The following XPC variants were observed in gnomAD, a reference collection of about 807,000 sequenced individuals.
The protein encoded by XPC is DNA repair protein complementing XP-C cells.
In XPC, 76 loss-of-function variants were observed where a neutral mutation model predicts 95.8. The observed-to-expected ratio is 0.79, with a 90% CI of 0.66 to 0.96. The LOEUF is 0.96. Among genes scored for constraint, XPC ranks in the 40% least tolerant of loss-of-function variants. The pLI is 0.00. For synonymous variants in XPC, 442 were observed against 442.1 expected (o/e 1.00, Z 0.00); for missense variants, 1,146 against 1,179.8 (o/e 0.97, Z 0.42).
intron 14 of XPC, 27 bp downstream of exon 14, chr3:14,147,881 G>C: frequency 6.4e-7 from 1 of 1,567,672 alleles, no homozygotes; most frequent in South Asian, 1.2e-5. Context: ...CGCTTCTGCT[G>C]TCCCTCAGTC....
intron 9 of XPC, among the ~76,000 whole-genome samples, chr3:14,157,095 T>C (rs1035216015): frequency 6.6e-6 from 1 of 152,178 alleles, no homozygotes; most frequent in African/African-American, 2.4e-5. Context: ...GTGGAGTTGC[T>C]GAGAGTGGGA....
At chr3:14,147,741 C>CA in intron 14 of XPC, 167 bp downstream of exon 14, 2 of 642,084 alleles carry the variant, frequency 3.1e-6, no homozygotes, top group East Asian at 5.6e-5. Flanking sequence ...GCGGGGTGGG[C>CA]AGGAGCCTGC....
chr3:14,156,387 G>A lies in XPC; in HGVS notation c.1981C>T (p.Pro661Ser). 1 of 1,613,954 alleles carries A rather than the reference G, an allele frequency of 6.2e-7. No homozygotes were observed. Among genetic ancestry groups the A allele is most frequent in the Non-Finnish European group, 8.5e-7 (1 of 1,179,878 alleles). The change falls in exon 10 of 16, where the codon CCC (proline) becomes TCC (serine). Residue 661 changes from proline (P) to serine (S), a missense_variant. Coordinates refer to ENST00000285021, the MANE Select transcript of XPC (RefSeq NM_004628.5). ...RHLLKYEAIYPETAAILGYCR... is the reference protein window; with the variant it reads ...RHLLKYEAIYSETAAILGYCR... ...TACCCAAGGATGGCAGCTGTCTCGGGATAGATGGCCTCATATTTCAGGAGA... is the reference window on the plus strand; with the variant it reads ...TACCCAAGGATGGCAGCTGTCTCGGAATAGATGGCCTCATATTTCAGGAGA...
At chr3:14,160,268 GGGAAGAAGAAGTAGAA>G (rs1696115868) in intron 7 of XPC, among the ~76,000 whole-genome samples, 1 of 152,138 alleles carries the variant, frequency 6.6e-6, no homozygotes, top group African/African-American at 2.4e-5. Context: ...ATACCACTTT[GGGAAGAAGAAGTAGAA>G]AGTATCATTA....
chr3:14,165,029 G>C, intron 6 of XPC, 96 bp from the exon 7 acceptor site: 3 of 1,472,690 alleles, frequency 2.0e-6, no homozygotes, highest in Non-Finnish European at 2.7e-6. Context: ...TGAATCGTGA[G>C]ACCCGCCTGC....
Position 14,178,590 on chromosome 3 carries a change from C to A in XPC, c.-22G>T, listed in dbSNP as rs3731058. ...CCATGTTGCTTGTCTGGGCAAATTCCACTTCGCGAGTGACGCACCCGGCCG... is the reference window on the plus strand; with the variant it reads ...CCATGTTGCTTGTCTGGGCAAATTCAACTTCGCGAGTGACGCACCCGGCCG... On this transcript the variant is annotated 5_prime_UTR_variant, in exon 1 of 16. Coordinates refer to ENST00000285021, the MANE Select transcript of XPC (RefSeq NM_004628.5). 6.2e-7 allele frequency: 1 copy of A among 1,612,228 alleles called. No individual in the cohort carries two copies. The highest frequency in any genetic ancestry group is 1.3e-5 in the African/African-American group (1 of 74,904).
At chr3:14,157,924 G>C in intron 9 of XPC, 87 bp downstream of exon 9, 5 of 1,483,130 alleles carry the variant, frequency 3.4e-6, no homozygotes, top group Non-Finnish European at 4.5e-6. Context: ...ACCCAACATA[G>C]TGCTGGGCAT....
intron 7 of XPC, 124 bp downstream of exon 7, chr3:14,164,689 C>A: frequency 1.0e-6 from 1 of 987,478 alleles, no homozygotes; most frequent in African/African-American, 1.7e-5. Flanking sequence ...CAGCTATCAA[C>A]GTCATTATGA....
chr3:14,166,742 T>C (rs575272220), intron 5 of XPC, among the ~76,000 whole-genome samples: 63 of 152,308 alleles, frequency 4.1e-4, no homozygotes, highest in Non-Finnish European at 7.6e-4. Context: ...CATCTAGAGA[T>C]CAGATACTCC....
rs774710905 is a variant in XPC, at chr3:14,178,594, T to C, written c.-26A>G. The C allele has an allele frequency of 1.9e-6, 3 of 1,612,118 alleles. No individual in the cohort carries two copies. Among genetic ancestry groups the C allele is most frequent in the African/African-American group, 1.3e-5 (1 of 75,024 alleles). ...GTTGCTTGTCTGGGCAAATTCCACT[T>C]CGCGAGTGACGCACCCGGCCGCGAT... On this transcript the variant is annotated 5_prime_UTR_variant, in exon 1 of 16. Transcript: ENST00000285021.
In XPC at chr3:14,145,818, G is replaced by T; in HGVS notation, c.*123C>A. The stretch of plus-strand genomic sequence containing the variant: ...CCCTGACCCCGCCTCCGTGCATGCT[G>T]CCTCAGTTTGCCTTCTCAGCAGAGA... On this transcript the variant is annotated 3_prime_UTR_variant, in exon 16 of 16. Transcript: ENST00000285021. 1 of 1,231,894 alleles carries T rather than the reference G, an allele frequency of 8.1e-7. No individual in the cohort carries two copies. The highest frequency in any genetic ancestry group is 1.2e-6 in the Non-Finnish European group (1 of 862,534). 76.3% of individuals were successfully genotyped at this position (1,231,894 alleles called of 1,614,324 possible).
At chr3:14,166,189 C>T (rs1696370693) in intron 5 of XPC, among the ~76,000 whole-genome samples, 1 of 152,138 alleles carries the variant, frequency 6.6e-6, no homozygotes, top group African/African-American at 2.4e-5. Flanking sequence ...ATTTTCCCTT[C>T]AACATTGGCT....
At chr3:14,162,882 A>G (rs1696217162) in intron 7 of XPC, among the ~76,000 whole-genome samples, 1 of 152,206 alleles carries the variant, frequency 6.6e-6, no homozygotes, top group Admixed American at 6.5e-5. Context: ...ATAGGTAACT[A>G]ATATCCAGAA....
At chr3:14,176,410 T>C (rs1696817234) in intron 1 of XPC, among the ~76,000 whole-genome samples, 1 of 152,220 alleles carries the variant, frequency 6.6e-6, no homozygotes, top group African/African-American at 2.4e-5. Context: ...CTTTGGAAGC[T>C]ACAAAGCCTT....
intron 11 of XPC, 141 bp downstream of exon 11, chr3:14,152,194 C>G (rs1385595271): frequency 1.6e-6 from 1 of 640,012 alleles, no homozygotes; most frequent in Non-Finnish European, 2.7e-6. Context: ...GAATCCTGCT[C>G]AAGCCGGGAA....
intron 7 of XPC, among the ~76,000 whole-genome samples, chr3:14,162,088 T>C (rs528656681): frequency 1.3e-5 from 2 of 152,194 alleles, no homozygotes; most frequent in East Asian, 3.9e-4. Context: ...AGGAAAAAAT[T>C]TAACCAAGGT....
At chr3:14,170,749 G>A in intron 2 of XPC, 199 bp from the exon 3 acceptor site, 1 of 423,144 alleles carries the variant, frequency 2.4e-6, no homozygotes. Context: ...CTGATCATCT[G>A]TCTAATTACT....
intron 3 of XPC, among the ~76,000 whole-genome samples, chr3:14,169,569 T>C (rs1696528858): frequency 6.6e-6 from 1 of 152,238 alleles, no homozygotes; most frequent in East Asian, 1.9e-4. Flanking sequence ...GATCTTGGTA[T>C]GGAAAAAGAA....
Position 14,156,477 on chromosome 3 carries a change from C to T in XPC, c.1891G>A (p.Asp631Asn), listed in dbSNP as rs772164996. 6.2e-7 allele frequency: 1 copy of T among 1,613,938 alleles called. No individual in the cohort carries two copies. The change falls in exon 10 of 16, where the codon GAC (aspartate) becomes AAC (asparagine). Residue 631 changes from aspartate to asparagine, a missense_variant. Physicochemically the swap from Asp to Asn is conservative, Grantham distance 23 (BLOSUM62 1). Transcript: ENST00000285021. Reference protein sequence around the residue: ...EDLEFQAKHMDQPLPTAIGLY... With the variant: ...EDLEFQAKHMNQPLPTAIGLY... ...CCAATGGCAGTGGGCAAAGGCTGGT[C>T]CATGTGTTTAGCCTGAAACTGCAAA...
Sources: allele counts gnomAD v4.1 joint callset (sites outside exome capture counted in the v4.1 genomes callset), GRCh38; gene constraint gnomAD v4.1.1; transcripts MANE v1.5; gene names NCBI Gene and HGNC (gene_info 2026-07-23, HGNC 2026-07-21).